The following MBOAT7 variants were observed in gnomAD, a reference collection of about 807,000 sequenced individuals.
MBOAT7 encodes the protein membrane bound acylglycerophosphatidylinositol O-acyltransferase MBOAT7.
A neutral mutation model predicts 47.4 loss-of-function variants in MBOAT7; 40 were observed. That is an observed-to-expected ratio of 0.84 (90% confidence interval 0.66 to 1.10). The LOEUF (loss-of-function observed/expected upper bound fraction) is 1.10. Ranked by LOEUF, MBOAT7 falls within the 50% of genes least tolerant of loss-of-function variation. The probability of loss-of-function intolerance (pLI) is 0.00; values close to 1 mark genes in which losing one functional copy is unlikely to be tolerated. For missense variants in MBOAT7, 680 were observed against 655.6 expected (o/e 1.04, Z -0.41); for synonymous variants, 361 against 292.0 (o/e 1.24, Z -2.41).
chr19:54,182,176 G>A (rs973564607), intron 5 of MBOAT7, among the ~76,000 whole-genome samples: 10 of 152,010 alleles, frequency 6.6e-5, no homozygotes, highest in Non-Finnish European at 1.2e-4. Flanking sequence ...AGAAGGGACC[G>A]GGGTTAAAAT....
Position 54,180,671 on chromosome 19 carries a change from C to T in MBOAT7, c.854+102G>A. 8.7e-7 allele frequency: 1 copy of T among 1,144,364 alleles called. No individual in the cohort carries two copies. Among genetic ancestry groups the T allele is most frequent in the Non-Finnish European group, 1.2e-6 (1 of 837,010 alleles). 70.9% of individuals were successfully genotyped at this position (1,144,364 alleles called of 1,614,324 possible). A position where few individuals can be genotyped will look rare whatever the true frequency, so the allele number is the denominator to read the frequency against. On this transcript the variant is annotated intron_variant, in intron 6 of 7. Transcript: ENST00000245615. This position sits in a 1 kb window ranked among gnomAD's most constrained non-coding sequence, Gnocchi z 5.2. ...GACACTCTGCTCAAAAAGGTGGTGGCCCTGGCCCCTTGCTCCCCGCTCTCC... is the reference window on the plus strand; with the variant it reads ...GACACTCTGCTCAAAAAGGTGGTGGTCCTGGCCCCTTGCTCCCCGCTCTCC...
rs374739444 is a variant in MBOAT7 at position 54,188,302 on chromosome 19, G to C, written c.121C>G (p.Leu41Val). 199 of 1,613,908 alleles carry C rather than the reference G, an allele frequency of 1.2e-4. No individual in the cohort carries two copies. The highest frequency in any genetic ancestry group is 1.7e-4 in the Non-Finnish European group (197 of 1,179,982). ...RWGAAAVGLG[L>V]TLFTCGPHTL... ...TGGGGGCCACAGGTGAACAGGGTGA[G>C]CCCCAGGCCCACAGCGGCTGCTCCC... The change falls in exon 3 of 8, where the codon CTC (leucine) becomes GTC (valine). Residue 41 changes from leucine (L) to valine (V), a missense_variant. Transcript: ENST00000245615.
Position 54,175,101 on chromosome 19 carries a change from G to T in MBOAT7, c.1032-670C>A, listed in dbSNP as rs529381735. Reference sequence around the variant, plus strand: ...CGCCATTCTCCTGCCTCAGCCTCCCGAGTAGCTGGGACTACAGGCGCCTGC... The same window carrying T: ...CGCCATTCTCCTGCCTCAGCCTCCCTAGTAGCTGGGACTACAGGCGCCTGC... On this transcript the variant is annotated intron_variant, in intron 7 of 7. Coordinates refer to ENST00000245615, the MANE Select transcript of MBOAT7 (RefSeq NM_024298.5). Among the ~76,000 whole-genome samples, 3 of 150,490 alleles carry T rather than the reference G, an allele frequency of 2.0e-5. No individual in the cohort carries two copies. The Admixed American group carries it at 2.0e-4, about 10-fold the overall frequency.
chr19:54,185,748 T>G (rs1972833), intron 4 of MBOAT7, among the ~76,000 whole-genome samples: 3,608 of 151,880 alleles, frequency 0.024, 119 homozygotes, highest in East Asian at 0.12. Context: ...CAGGCTGGAG[T>G]GCAATGGCGG....
chr19:54,175,126 C>CCAT (rs1353346682), intron 7 of MBOAT7, among the ~76,000 whole-genome samples: 1 of 152,110 alleles, frequency 6.6e-6, no homozygotes, highest in Non-Finnish European at 1.5e-5. Context: ...CAGGCGCCTG[C>CCAT]CACCACGCCC....
intron 1 of MBOAT7, 69 bp downstream of exon 1, chr19:54,189,255 GGCCGCCCCGCACCC>G (rs1320536500): frequency 6.5e-6 from 1 of 153,368 alleles, no homozygotes; most frequent in African/African-American, 2.4e-5. Flanking sequence ...GCGCCTCCGG[GGCCGCCCCGCACCC>G]GCCAGCCCGC....
intron 4 of MBOAT7, among the ~76,000 whole-genome samples, chr19:54,185,129 G>A (rs1304847938): frequency 4.6e-5 from 7 of 151,666 alleles, no homozygotes; most frequent in Admixed American, 1.3e-4. Context: ...AGAATCGCTC[G>A]AACCCGAGAG....
In MBOAT7 at chr19:54,187,263, G is replaced by A; in HGVS notation, c.231C>T (p.Ala77=). 1 of 1,610,856 alleles carries A rather than the reference G, an allele frequency of 6.2e-7. No individual in the cohort carries two copies. Among genetic ancestry groups the A allele is most frequent in the Non-Finnish European group, 8.5e-7 (1 of 1,178,746 alleles). The stretch of plus-strand genomic sequence containing the variant: ...AGAACAGGAGATAGGAGAAAGTCCA[G>A]GCCAGAGCCAGGGCGTGGCAGGAGC... ...QPCSCHALAL[A]WTFSYLLFFR... Residue 77 remains alanine (A), a synonymous_variant, in exon 4 of 8, where the codon GCC becomes GCT. Transcript: ENST00000245615.
chr19:54,179,026 A>G (rs2076196281), intron 6 of MBOAT7, 85 bp from the exon 7 acceptor site: 5 of 1,528,718 alleles, frequency 3.3e-6, no homozygotes, highest in Non-Finnish European at 4.4e-6. Flanking sequence ...CCAGCCCCGG[A>G]TGCTAAGGAA....
rs748012228 is a variant in MBOAT7, at chr19:54,174,313, G to C, written c.1150C>G (p.Arg384Gly). Residue 384 changes from arginine (R) to glycine (G), a missense_variant, in exon 8 of 8, where the codon CGG (arginine) becomes GGG (glycine). Transcript: ENST00000245615. ...AAEGRLESALRGRLSPGGQKA... is the reference protein window; with the variant it reads ...AAEGRLESALGGRLSPGGQKA... ...TGGCCCCCTGGGCTCAGCCGCCCCC[G>C]CAGGGCTGACTCCAGCCGGCCCTCG... 117 of 1,613,046 alleles carry C rather than the reference G, an allele frequency of 7.3e-5. No homozygotes were observed. Among genetic ancestry groups the C allele is most frequent in the Non-Finnish European group, 9.0e-5 (106 of 1,179,572 alleles).
rs1478257956 is a variant in MBOAT7, at chr19:54,189,487, G to T, written c.-153C>A. On this transcript the variant is annotated 5_prime_UTR_variant, in exon 1 of 8. Transcript: ENST00000245615. Reference sequence around the variant, plus strand: ...CTGCGCAGATCAGGCCGGGGAAGAAGCCACGGTCAGGGCCCCGGGCGGGCA... The same window carrying T: ...CTGCGCAGATCAGGCCGGGGAAGAATCCACGGTCAGGGCCCCGGGCGGGCA... 2.6e-5 allele frequency: 4 copies of T among 152,546 alleles called. No homozygotes were observed. Among genetic ancestry groups the T allele is most frequent in the Admixed American group, 6.5e-5 (1 of 15,290 alleles). 9.4% of individuals were successfully genotyped at this position (152,546 alleles called of 1,614,324 possible).
chr19:54,188,029 G>GA (rs1311386311), intron 3 of MBOAT7, among the ~76,000 whole-genome samples, 188 bp downstream of exon 3: 9 of 106,306 alleles, frequency 8.5e-5, no homozygotes, highest in African/African-American at 3.7e-4. Flanking sequence ...AAGAAAGAAA[G>GA]AAAGAAAGAA....
At position 54,173,762 on chromosome 19, in the gene MBOAT7, T is replaced by G; in HGVS notation, c.*282A>C. The G allele has an allele frequency of 2.9e-5, 11 of 377,166 alleles. No individual in the cohort carries two copies. Among genetic ancestry groups the G allele is most frequent in the East Asian group, 1.3e-4 (3 of 23,578 alleles). 23.4% of individuals were successfully genotyped at this position (377,166 alleles called of 1,614,324 possible). A position where few individuals can be genotyped will look rare whatever the true frequency, so the allele number is the denominator to read the frequency against. On this transcript the variant is annotated 3_prime_UTR_variant, in exon 8 of 8. Transcript: ENST00000245615. ...CCCACTGCCCAGGGGCCCCTTCCGT[T>G]TTGGGGAAGTGCAGTGCTCTCTGGA...
rs963764696 is a variant in MBOAT7 at position 54,180,875 on chromosome 19, G to C, written c.752C>G (p.Ala251Gly). 2 of 1,591,808 alleles carry C rather than the reference G, an allele frequency of 1.3e-6. No homozygotes were observed. Among genetic ancestry groups the C allele is most frequent in the Non-Finnish European group, 1.7e-6 (2 of 1,171,488 alleles). The change falls in exon 6 of 8, where the codon GCC (alanine) becomes GGC (glycine). Residue 251 changes from alanine to glycine, a missense_variant. Physicochemically the swap from Ala to Gly is moderately conservative, Grantham distance 60 (BLOSUM62 0). Transcript: ENST00000245615. The surrounding 1 kb of genome is among the most constrained non-coding windows in gnomAD (Gnocchi z 5.2). ...FRMRFYVAWIAAECGCIAAGF... is the reference protein window; with the variant it reads ...FRMRFYVAWIGAECGCIAAGF... ...GGCGGCAATGCAGCCGCACTCGGCGGCAATCCAGGCCACGTAGAAGCGCAT... is the reference window on the plus strand; with the variant it reads ...GGCGGCAATGCAGCCGCACTCGGCGCCAATCCAGGCCACGTAGAAGCGCAT...
intron 7 of MBOAT7, among the ~76,000 whole-genome samples, chr19:54,177,388 C>CGGGT (rs1265388156): frequency 3.3e-5 from 5 of 151,474 alleles, no homozygotes; most frequent in Non-Finnish European, 7.4e-5. Flanking sequence ...CTCCGTCTCC[C>CGGGT]GGGTTCACAC....
chr19:54,177,183 A>ATACTAATACTAATACTAATAC (rs1426058818), intron 7 of MBOAT7, among the ~76,000 whole-genome samples: 2 of 151,246 alleles, frequency 1.3e-5, no homozygotes, highest in African/African-American at 4.9e-5. Context: ...ACTAATACTA[A>ATACTAATACTAATACTAATAC]TAATAATATC....
intron 7 of MBOAT7, chr19:54,178,375 A>G (rs2076169077): frequency 1.8e-6 from 2 of 1,139,452 alleles, no homozygotes; most frequent in Admixed American, 8.7e-5. Flanking sequence ...TAGTCCTTCT[A>G]TCTACCTATG....
Position 54,174,226 on chromosome 19 carries a change from C to G in MBOAT7, c.1237G>C (p.Gly413Arg), listed in dbSNP as rs779293140. 10 of 1,603,516 alleles carry G rather than the reference C, an allele frequency of 6.2e-6. No individual in the cohort carries two copies. Among genetic ancestry groups the G allele is most frequent in the African/African-American group, 1.3e-5 (1 of 74,520 alleles). Residue 413 changes from glycine to arginine, a missense_variant, in exon 8 of 8, where the codon GGC becomes CGC. Coordinates refer to ENST00000245615, the MANE Select transcript of MBOAT7 (RefSeq NM_024298.5). ...TCGGCCAAGGAGAGCAGCACGAAGC[C>G]CATGCACATGTAGTCATAGGCGCGC... ...KMRAYDYMCM[G>R]FVLLSLADTL...
intron 7 of MBOAT7, 160 bp downstream of exon 7, chr19:54,178,605 G>C (rs1439319251): frequency 4.9e-6 from 7 of 1,430,872 alleles, no homozygotes; most frequent in Non-Finnish European, 6.4e-6. Flanking sequence ...CCGGCATGCT[G>C]CCACTATAAT....
Sources: gnomAD v4.1 joint callset for allele counts (sites outside exome capture counted in the v4.1 genomes callset) on GRCh38, gnomAD v4.1.1 for gene constraint, Gnocchi (gnomAD v3.1) non-coding constraint, MANE v1.5 for transcripts, NCBI Gene and HGNC (gene_info 2026-07-23, HGNC 2026-07-21) for gene names.